Variants in CCDC146 observed in about 807,000 individuals in gnomAD.
CCDC146 encodes the protein coiled-coil domain containing 146.
CCDC146 carries 92 observed loss-of-function variants against 119.3 expected under a neutral mutation model. That is an observed-to-expected ratio of 0.77 (90% confidence interval 0.65 to 0.92). The LOEUF is 0.92. CCDC146 is among the 40% of genes least tolerant of loss of function. CCDC146 has a pLI of 0.00. For missense variants in CCDC146, 1,000 were observed against 1,103.0 expected, an observed-to-expected ratio of 0.91 and a Z score of 1.32; for synonymous variants, 372 against 371.8, an observed-to-expected ratio of 1.00 and a Z score of -0.01.
At chr7:77,229,713 A>G (rs997522667) in intron 2 of CCDC146, among the ~76,000 whole-genome samples, 36 of 152,100 alleles carry the variant, frequency 2.4e-4, no homozygotes, top group African/African-American at 6.8e-4. Context: ...TTTGCAATTC[A>G]ATTTTAACTT....
intron 2 of CCDC146, among the ~76,000 whole-genome samples, chr7:77,176,316 GAA>G (rs1315096651): frequency 2.6e-5 from 4 of 151,218 alleles, no homozygotes; most frequent in Non-Finnish European, 5.9e-5. Flanking sequence ...ATGAAGATGT[GAA>G]GAGAGACTGC....
At chr7:77,259,957 T>C in intron 7 of CCDC146, 52 bp from the exon 8 acceptor site, 2 of 346,996 alleles carry the variant, frequency 5.8e-6, no homozygotes, top group African/African-American at 2.8e-5. Flanking sequence ...TGTGTGTGTG[T>C]GTGTGTGTGT....
intron 2 of CCDC146, among the ~76,000 whole-genome samples, chr7:77,231,849 CT>C (rs1449849315): frequency 6.7e-6 from 1 of 148,248 alleles, no homozygotes; most frequent in African/African-American, 2.5e-5. Context: ...CAGAAAGGAA[CT>C]GGGGATCTCA....
intron 2 of CCDC146, among the ~76,000 whole-genome samples, chr7:77,190,051 C>G (rs1037031990): frequency 6.6e-6 from 1 of 152,318 alleles, no homozygotes; most frequent in East Asian, 1.9e-4. Flanking sequence ...TGATAAATCT[C>G]CAGCCTCCTA....
rs1246545979 is a variant in CCDC146, at chr7:77,196,565, A to C, written c.156+28741A>C. ...CAGATCGTGGTTGTAATGTTTGTTG[A>C]AACGTAATGCATCTCCAGCTGTGCC... is the stretch of plus-strand genomic sequence containing the variant. On this transcript the variant is annotated intron_variant, in intron 2 of 18. Coordinates refer to ENST00000285871, the MANE Select transcript of CCDC146 (RefSeq NM_020879.3). This position sits in a 1 kb window ranked among gnomAD's most constrained non-coding sequence, Gnocchi z 4.2. 6.2e-7 allele frequency: 1 copy of C among 1,614,184 alleles called. No homozygotes were observed. Among genetic ancestry groups the C allele is most frequent in the Admixed American group, 1.7e-5 (1 of 60,028 alleles).
chr7:77,189,166 A>G (rs1012511386), intron 2 of CCDC146, among the ~76,000 whole-genome samples: 5 of 152,038 alleles, frequency 3.3e-5, no homozygotes, highest in Non-Finnish European at 5.9e-5. Context: ...TTCTGATTCC[A>G]GCCTCCCACC....
intron 14 of CCDC146, 137 bp downstream of exon 14, chr7:77,280,790 T>G (rs1793748496): frequency 1.5e-6 from 1 of 646,222 alleles, no homozygotes; most frequent in Non-Finnish European, 2.7e-6. Context: ...GAAGGGACTG[T>G]GTGTTGCTTC....
rs118038938 is a variant in CCDC146, at chr7:77,138,447, G to C, written c.-12+15715G>C. Among the ~76,000 whole-genome samples the C allele has an allele frequency of 7.0e-3, 1,062 of 152,110 alleles. 59 individuals are homozygous for C. The East Asian group carries it at 0.14, about 20-fold the overall frequency. The stretch of plus-strand genomic sequence containing the variant: ...TATGAAACTTCTAGAAGATAACATA[G>C]AAAACCTAGATGACCTTGGGTTTGG... On this transcript the variant is annotated intron_variant, in intron 1 of 18. Transcript: ENST00000285871.
intron 1 of CCDC146, among the ~76,000 whole-genome samples, chr7:77,149,280 G>A (rs1407600549): frequency 6.6e-6 from 1 of 152,178 alleles, no homozygotes; most frequent in African/African-American, 2.4e-5. Flanking sequence ...GCCATATGCA[G>A]AAAACTGAAA....
chr7:77,249,873 C>G (rs935780750), intron 4 of CCDC146, among the ~76,000 whole-genome samples: 2 of 152,046 alleles, frequency 1.3e-5, no homozygotes, highest in Non-Finnish European at 2.9e-5. Context: ...TGTGCTTGTT[C>G]TTCATTCCTG....
At chr7:77,155,118 G>A (rs1440725264) in intron 1 of CCDC146, among the ~76,000 whole-genome samples, 2 of 152,232 alleles carry the variant, frequency 1.3e-5, no homozygotes, top group South Asian at 2.1e-4. Flanking sequence ...AACTGATAGC[G>A]CCTTTCAGGC....
intron 1 of CCDC146, among the ~76,000 whole-genome samples, chr7:77,161,141 G>A (rs1353784436): frequency 6.6e-6 from 1 of 152,102 alleles, no homozygotes; most frequent in Non-Finnish European, 1.5e-5. Flanking sequence ...GAAACAACAG[G>A]TGCTGGAGAG....
chr7:77,192,784 G>A lies in CCDC146; in HGVS notation c.156+24960G>A, dbSNP rs577333896. Among the ~76,000 whole-genome samples, 8 of 152,152 alleles carry A rather than the reference G, an allele frequency of 5.3e-5. No homozygotes were observed. In the East Asian group the frequency reaches 9.7e-4, roughly 18 times the overall value. On this transcript the variant is annotated intron_variant, in intron 2 of 18. Transcript: ENST00000285871. Reference sequence around the variant, plus strand: ...CTAAAAATACAAAAATTAGCTGGGCGAGGTGGCAGGCGTCTGTAGTCCCAG... The same window carrying A: ...CTAAAAATACAAAAATTAGCTGGGCAAGGTGGCAGGCGTCTGTAGTCCCAG...
intron 13 of CCDC146, 131 bp downstream of exon 13, chr7:77,279,232 C>A: frequency 1.4e-6 from 1 of 712,404 alleles, no homozygotes. Context: ...CCACTGCCCT[C>A]CAGCCTGGGT....
intron 2 of CCDC146, among the ~76,000 whole-genome samples, chr7:77,225,670 TG>T (rs1792496774): frequency 6.6e-6 from 1 of 152,032 alleles, no homozygotes; most frequent in Non-Finnish European, 1.5e-5. Context: ...GGGCCGTGCG[TG>T]GTGGCTCACA....
chr7:77,294,463 G>GGTGTGTGT (rs61323999), intron 18 of CCDC146, among the ~76,000 whole-genome samples, 200 bp from the exon 19 acceptor site: 2,916 of 134,238 alleles, frequency 0.022, 42 homozygotes, highest in Non-Finnish European at 0.025. Flanking sequence ...ATGAGAGGTA[G>GGTGTGTGT]GTGTGTGTGT....
At chr7:77,226,836 T>C (rs1180228017) in intron 2 of CCDC146, among the ~76,000 whole-genome samples, 2 of 152,246 alleles carry the variant, frequency 1.3e-5, no homozygotes, top group African/African-American at 4.8e-5. Context: ...ATATTGTTTA[T>C]GAGTGAAGCA....
rs17161228 is a variant in CCDC146 at position 77,242,036 on chromosome 7, C to A, written c.449+136C>A. The A allele has an allele frequency of 2.7e-3, 1,822 of 671,918 alleles. 28 individuals carry two copies. The African/African-American group carries it at 0.029, about 11-fold the overall frequency. The allele number at this position is 671,918 out of a possible 1,614,324, so 41.6% of individuals were successfully genotyped here. ...GATTGCAAACCTAGTTCTCTTGATTCCTTAGAATGGAATGGGAATTCCCTG... is the reference window on the plus strand; with the variant it reads ...GATTGCAAACCTAGTTCTCTTGATTACTTAGAATGGAATGGGAATTCCCTG... On this transcript the variant is annotated intron_variant, in intron 4 of 18. Transcript: ENST00000285871.
intron 4 of CCDC146, 98 bp downstream of exon 4, chr7:77,241,998 G>C: frequency 1.2e-6 from 1 of 861,182 alleles, no homozygotes; most frequent in Non-Finnish European, 1.8e-6. Flanking sequence ...GTAGGAGATA[G>C]CAGTACGATG....
Sources: allele counts gnomAD v4.1 joint callset (sites outside exome capture counted in the v4.1 genomes callset), GRCh38; gene constraint gnomAD v4.1.1; non-coding constraint Gnocchi (gnomAD v3.1); transcripts MANE v1.5; gene names NCBI Gene and HGNC (gene_info 2026-07-23, HGNC 2026-07-21).